The following FAM200C variants were observed in gnomAD, a reference collection of about 807,000 sequenced individuals.
At chr5:160,394,801 A>C in the FAM200C span, 4 of 1,613,898 alleles carry the variant, frequency 2.5e-6, no homozygotes, top group Non-Finnish European at 3.4e-6. Flanking sequence ...GTGCTATCTT[A>C]TGCTTCAGAA....
the FAM200C span, chr5:160,393,332 C>T: frequency 4.8e-5 from 9 of 185,676 alleles, no homozygotes; most frequent in South Asian, 5.0e-4. Flanking sequence ...CAAAGACGGG[C>T]GAACTCAATC....
At chr5:160,399,213 CTGATA>C in the FAM200C span, among the ~76,000 whole-genome samples, 15 of 152,224 alleles carry the variant, frequency 9.9e-5, no homozygotes, top group African/African-American at 7.2e-5. Flanking sequence ...AATGAAAGAT[CTGATA>C]TAACAAAGTA....
At chr5:160,393,792 C>T in the FAM200C span, 2 of 1,590,034 alleles carry the variant, frequency 1.3e-6, no homozygotes, top group African/African-American at 2.7e-5. Context: ...ACACGGATAT[C>T]ATCACTCAGA....
chr5:160,395,126 T>G, the FAM200C span: 2 of 1,613,930 alleles, frequency 1.2e-6, no homozygotes, highest in East Asian at 4.5e-5. Context: ...TTGTGCTATT[T>G]CCAGTGCACA....
At chr5:160,393,623 C>G in the FAM200C span, 1 of 1,024,520 alleles carries the variant, frequency 9.8e-7, no homozygotes. Context: ...TTCAGTATAT[C>G]ATAAATATGA....
chr5:160,394,226 C>A, the FAM200C span: 2 of 1,611,898 alleles, frequency 1.2e-6, no homozygotes, highest in South Asian at 2.2e-5. Context: ...GGTAAAATTT[C>A]TTTTCTCAAT....
chr5:160,393,919 A>G, the FAM200C span: 2 of 1,614,090 alleles, frequency 1.2e-6, no homozygotes, highest in Non-Finnish European at 1.7e-6. Flanking sequence ...CCAGGTTTGG[A>G]AATGCTGTGA....
chr5:160,395,079 G>C, the FAM200C span: 13 of 1,613,884 alleles, frequency 8.1e-6, no homozygotes, highest in South Asian at 3.3e-5. Flanking sequence ...AAGGGTACCT[G>C]CTGAAGCTTT....
At chr5:160,398,233 C>T in the FAM200C span, among the ~76,000 whole-genome samples, 1 of 151,848 alleles carries the variant, frequency 6.6e-6, no homozygotes, top group African/African-American at 2.4e-5. Flanking sequence ...TGCACTCCAG[C>T]CTGGGTGACA....
chr5:160,395,279 G>A, the FAM200C span: 6 of 1,614,142 alleles, frequency 3.7e-6, no homozygotes, highest in Non-Finnish European at 5.1e-6. Flanking sequence ...ATCAGATGGT[G>A]CTGGCATATG....
At chr5:160,394,130 A>T in the FAM200C span, 3 of 1,613,682 alleles carry the variant, frequency 1.9e-6, no homozygotes, top group Non-Finnish European at 2.5e-6. Context: ...GAAGTTGCTC[A>T]ATTGTTGCAG....
At chr5:160,395,405 T>C in the FAM200C span, 2 of 1,614,158 alleles carry the variant, frequency 1.2e-6, no homozygotes, top group East Asian at 2.2e-5. Flanking sequence ...CAACACACAC[T>C]GTGGACGCTG....
chr5:160,399,993 G>A, the FAM200C span: 1 of 152,308 alleles, frequency 6.6e-6, no homozygotes, highest in Non-Finnish European at 1.5e-5. Context: ...GGTGCGCCTG[G>A]AGAGAGAAGC....
chr5:160,394,914 G>A, the FAM200C span: 54 of 1,612,708 alleles, frequency 3.3e-5, no homozygotes, highest in East Asian at 6.0e-4. Context: ...TTTATATAGC[G>A]CACAAATGCC....
the FAM200C span, among the ~76,000 whole-genome samples, chr5:160,398,597 T>C: frequency 1.3e-5 from 2 of 152,226 alleles, no homozygotes; most frequent in Non-Finnish European, 2.9e-5. Context: ...CCTATCCACC[T>C]TGACTATGTC....
At chr5:160,393,480 C>T in the FAM200C span, 3 of 540,832 alleles carry the variant, frequency 5.5e-6, no homozygotes, top group South Asian at 7.1e-5. Flanking sequence ...TAAACAGATA[C>T]TTAGAATTGG....
At chr5:160,395,454 G>GC in the FAM200C span, 1 of 1,613,946 alleles carries the variant, frequency 6.2e-7, no homozygotes, top group African/African-American at 1.3e-5. Context: ...AACCAGTAGC[G>GC]AACATAGTCA....
At chr5:160,393,930 A>G in the FAM200C span, 1 of 1,613,952 alleles carries the variant, frequency 6.2e-7, no homozygotes, top group Non-Finnish European at 8.5e-7. Flanking sequence ...AATGCTGTGA[A>G]TTGGGCACAC....
At chr5:160,394,065 C>T in the FAM200C span, 2 of 1,606,910 alleles carry the variant, frequency 1.2e-6, no homozygotes, top group Non-Finnish European at 1.7e-6. Flanking sequence ...AGAAATGGAT[C>T]CAATATCCAT....
Sources: allele counts gnomAD v4.1 joint callset (sites outside exome capture counted in the v4.1 genomes callset), GRCh38; gene constraint gnomAD v4.1.1; transcripts MANE v1.5.